EVC2: variants seen among roughly 807,000 people sequenced by gnomAD.
EVC2 encodes EvC ciliary complex subunit 2.
EVC2 carries 148 observed loss-of-function variants against 149.3 expected under a neutral mutation model. The observed-to-expected ratio is 0.99, with a 90% CI of 0.87 to 1.14. The LOEUF (loss-of-function observed/expected upper bound fraction) is 1.14. EVC2 is among the 50% of genes most tolerant of loss of function. The probability of loss-of-function intolerance (pLI) is 0.00; values close to 1 mark genes in which losing one functional copy is unlikely to be tolerated. For missense variants in EVC2, 1,854 were observed against 1,627.3 expected, an observed-to-expected ratio of 1.14 and a Z score of -2.40; for synonymous variants, 776 against 649.9, an observed-to-expected ratio of 1.19 and a Z score of -2.95.
chr4:5,694,418 A>G lies in EVC2; in HGVS notation c.367T>C (p.Trp123Arg), dbSNP rs1267622730. The change falls in exon 3 of 22, where the codon TGG becomes CGG. Residue 123 changes from tryptophan to arginine, a missense_variant. Trp to Arg is a moderately radical substitution (Grantham distance 101). Coordinates refer to ENST00000344408, the MANE Select transcript of EVC2 (RefSeq NM_147127.5). ...LSTSAASSGP[W>R]AHSLFAFIPS... ...ATAAAAGCAAATAAGGAATGAGCCCATGGCCCACTAGAGGCTGCAGAAGTT... is the reference window on the plus strand; with the variant it reads ...ATAAAAGCAAATAAGGAATGAGCCCGTGGCCCACTAGAGGCTGCAGAAGTT... The G allele has an allele frequency of 6.2e-7, 1 of 1,614,212 alleles. No individual in the cohort carries two copies. The highest frequency in any genetic ancestry group is 1.7e-5 in the Admixed American group (1 of 60,030).
At chr4:5,588,826 C>G (rs779159308) in intron 16 of EVC2, among the ~76,000 whole-genome samples, 1 of 152,110 alleles carries the variant, frequency 6.6e-6, no homozygotes, top group Middle Eastern at 3.2e-3. Flanking sequence ...CTGTTTTACC[C>G]CATTTATGCT....
chr4:5,589,161 CT>C (rs1421764871), intron 16 of EVC2, among the ~76,000 whole-genome samples: 1 of 152,200 alleles, frequency 6.6e-6, no homozygotes, highest in East Asian at 1.9e-4. Context: ...TGCAGTTAAG[CT>C]ACTTGGAAAC....
chr4:5,638,161 G>A (rs1293819303), intron 10 of EVC2, among the ~76,000 whole-genome samples: 1 of 151,934 alleles, frequency 6.6e-6, no homozygotes, highest in African/African-American at 2.4e-5. Flanking sequence ...GGCCAAGGTG[G>A]GCGGATCACC....
At chr4:5,608,926 A>G (rs909475698) in intron 16 of EVC2, among the ~76,000 whole-genome samples, 3 of 152,248 alleles carry the variant, frequency 2.0e-5, no homozygotes, top group Middle Eastern at 3.4e-3. Flanking sequence ...AATAGAACAG[A>G]AAGTTGGGAA....
chr4:5,674,595 A>G (rs1719873038), intron 7 of EVC2, among the ~76,000 whole-genome samples: 1 of 152,174 alleles, frequency 6.6e-6, no homozygotes, highest in South Asian at 2.1e-4. Context: ...CGGGCATCAC[A>G]GCGTGCAGAT....
At chr4:5,592,661 A>G (rs1712918626) in intron 16 of EVC2, among the ~76,000 whole-genome samples, 1 of 152,248 alleles carries the variant, frequency 6.6e-6, no homozygotes, top group Non-Finnish European at 1.5e-5. Context: ...GGGCTCGCAC[A>G]TGTGCATTAA....
At chr4:5,551,600 G>A (rs1352773296) in intron 21 of EVC2, among the ~76,000 whole-genome samples, 1 of 152,190 alleles carries the variant, frequency 6.6e-6, no homozygotes, top group Non-Finnish European at 1.5e-5. Context: ...GGACTTTTGT[G>A]TTAATGCTGA....
intron 16 of EVC2, among the ~76,000 whole-genome samples, chr4:5,597,104 C>T (rs1368821713): frequency 1.3e-5 from 2 of 152,152 alleles, no homozygotes; most frequent in Non-Finnish European, 2.9e-5. Context: ...AGTCCAGGAC[C>T]AGACGGATTC....
chr4:5,619,946 A>G (rs9993134), intron 14 of EVC2, among the ~76,000 whole-genome samples: 14,987 of 152,290 alleles, frequency 0.098, 1,457 homozygotes, highest in African/African-American at 0.25. Context: ...CAGAGTTATC[A>G]GCAGAACACC....
chr4:5,696,023 C>T lies in EVC2; in HGVS notation c.284-1522G>A, dbSNP rs1721455543. 1.3e-5 allele frequency among the ~76,000 whole-genome samples: 2 copies of T among 152,154 alleles called. No homozygotes were observed. Among genetic ancestry groups the T allele is most frequent in the Non-Finnish European group, 2.9e-5 (2 of 68,050 alleles). On this transcript the variant is annotated intron_variant, in intron 2 of 21. Transcript: ENST00000344408. The surrounding 1 kb of genome is among the most constrained non-coding windows in gnomAD (Gnocchi z 4.1). ...TCCAATTGCATCAAGCATCGGGGAACTGATGGCCCTCGCCATGGAAACAAG... is the reference window on the plus strand; with the variant it reads ...TCCAATTGCATCAAGCATCGGGGAATTGATGGCCCTCGCCATGGAAACAAG...
intron 21 of EVC2, among the ~76,000 whole-genome samples, chr4:5,553,138 TG>T (rs1426499893): frequency 2.0e-5 from 3 of 152,210 alleles, no homozygotes; most frequent in South Asian, 4.1e-4. Context: ...AGCATGATGC[TG>T]GCATCTGCTC....
At chr4:5,705,616 T>C (rs1470565015) in intron 1 of EVC2, among the ~76,000 whole-genome samples, 4 of 152,216 alleles carry the variant, frequency 2.6e-5, no homozygotes, top group Admixed American at 2.6e-4. Flanking sequence ...TGGCATTTTT[T>C]TACATTTTTG....
Position 5,565,369 on chromosome 4 carries a change from A to T in EVC2, c.3558-10T>A. On this transcript the variant is annotated splice_polypyrimidine_tract_variant and intron_variant, in intron 20 of 21. Transcript: ENST00000344408. Reference sequence around the variant, plus strand: ...CCAGCTCTGGTGTTTCCTGCAGGCAAGAAGGGAGTCTTATAGTTTCAAAAA... The same window carrying T: ...CCAGCTCTGGTGTTTCCTGCAGGCATGAAGGGAGTCTTATAGTTTCAAAAA... The T allele has an allele frequency of 6.2e-7, 1 of 1,613,580 alleles. No homozygotes were observed. Among genetic ancestry groups the T allele is most frequent in the East Asian group, 2.2e-5 (1 of 44,860 alleles).
chr4:5,694,305 T>G, intron 3 of EVC2, 30 bp downstream of exon 3: 1 of 1,611,472 alleles, frequency 6.2e-7, no homozygotes, highest in Non-Finnish European at 8.5e-7. Context: ...CTTCTGGTAT[T>G]TGTGTTAAAG....
At position 5,698,854 on chromosome 4, in the gene EVC2, C is replaced by T. The variant is rs140891038; in HGVS notation, c.229-1207G>A. On this transcript the variant is annotated intron_variant, in intron 1 of 21. Transcript: ENST00000344408. ...AGAAAGGATGTGTATGTGAGTTGAG[C>T]GGGATGCTCAGGCCTGGCTTTGGGT... 4.0e-3 allele frequency among the ~76,000 whole-genome samples: 606 copies of T among 152,340 alleles called. 5 individuals are homozygous for T. Among genetic ancestry groups the T allele is most frequent in the African/African-American group, 0.014 (571 of 41,574 alleles).
chr4:5,616,697 C>A (rs568826956), intron 15 of EVC2, among the ~76,000 whole-genome samples: 1 of 152,222 alleles, frequency 6.6e-6, no homozygotes, highest in African/African-American at 2.4e-5. Context: ...CCTTCTCTGC[C>A]GCTATCTCGG....
chr4:5,621,672 G>A (rs990711803), intron 14 of EVC2, among the ~76,000 whole-genome samples: 3 of 152,180 alleles, frequency 2.0e-5, no homozygotes, highest in Non-Finnish European at 4.4e-5. Flanking sequence ...GTAAAGAACT[G>A]TGGGCACTGG....
chr4:5,706,385 G>C (rs376435453), intron 1 of EVC2, among the ~76,000 whole-genome samples: 107 of 44,162 alleles, frequency 2.4e-3, no homozygotes, highest in East Asian at 0.012. Context: ...TAGATACATA[G>C]ATAGATACAT....
chr4:5,699,599 T>C (rs1345635442), intron 1 of EVC2, among the ~76,000 whole-genome samples: 1 of 141,238 alleles, frequency 7.1e-6, no homozygotes, highest in Non-Finnish European at 1.5e-5. Flanking sequence ...AATGGAATAT[T>C]ATGCAGCCTT....
Sources: allele counts gnomAD v4.1 joint callset (sites outside exome capture counted in the v4.1 genomes callset), GRCh38; gene constraint gnomAD v4.1.1; non-coding constraint Gnocchi (gnomAD v3.1); transcripts MANE v1.5; gene names NCBI Gene and HGNC (gene_info 2026-07-23, HGNC 2026-07-21).